KMT5B: variants seen among roughly 807,000 people sequenced by gnomAD.
KMT5B encodes the protein lysine methyltransferase 5B.
Under a neutral mutation model 83.2 loss-of-function variants are expected in KMT5B, and 10 were observed. That is an observed-to-expected ratio of 0.12 (90% CI 0.07 to 0.20). The LOEUF (loss-of-function observed/expected upper bound fraction) is 0.20. Among genes scored for constraint, KMT5B ranks in the 10% least tolerant of loss-of-function variants. The probability of loss-of-function intolerance (pLI) is 1.00; values close to 1 mark genes in which losing one functional copy is unlikely to be tolerated. For synonymous variants in KMT5B, 349 were observed against 388.8 expected (o/e 0.90, Z 1.20); for missense variants, 753 against 1,067.2 (o/e 0.71, Z 4.10).
chr11:68,166,294 C>T, intron 10 of KMT5B: 1 of 1,101,446 alleles, frequency 9.1e-7, no homozygotes, highest in Non-Finnish European at 1.1e-6. Context: ...TTTCCTTTCT[C>T]TTTGTTTAGT....
intron 1 of KMT5B, among the ~76,000 whole-genome samples, 166 bp downstream of exon 1, chr11:68,212,972 C>A (rs1861140981): frequency 7.0e-6 from 1 of 142,556 alleles, no homozygotes; most frequent in African/African-American, 2.5e-5. Context: ...CGGCCGCAGC[C>A]CCGCCCCCCG....
intron 9 of KMT5B, 147 bp downstream of exon 9, chr11:68,170,868 G>T: frequency 1.3e-6 from 1 of 774,582 alleles, no homozygotes. Context: ...ATTTGACTTT[G>T]TTCATACACA....
At chr11:68,194,481 T>C (rs1220309003) in intron 1 of KMT5B, among the ~76,000 whole-genome samples, 1 of 152,074 alleles carries the variant, frequency 6.6e-6, no homozygotes, top group Non-Finnish European at 1.5e-5. Flanking sequence ...GCATGAGCCA[T>C]TGTGCCCGGC....
intron 1 of KMT5B, among the ~76,000 whole-genome samples, chr11:68,190,417 T>C (rs1408662555): frequency 6.6e-6 from 1 of 152,222 alleles, no homozygotes; most frequent in Non-Finnish European, 1.5e-5. Flanking sequence ...ATATTCCTTC[T>C]ACTTTTTTTT....
intron 5 of KMT5B, among the ~76,000 whole-genome samples, 190 bp downstream of exon 5, chr11:68,174,828 G>A (rs1856201800): frequency 6.6e-6 from 1 of 152,144 alleles, no homozygotes; most frequent in Non-Finnish European, 1.5e-5. Flanking sequence ...ACAAGCATGA[G>A]CCACTGAGCC....
chr11:68,163,208 C>T (rs1269329534), intron 10 of KMT5B, among the ~76,000 whole-genome samples: 1 of 152,198 alleles, frequency 6.6e-6, no homozygotes, highest in African/African-American at 2.4e-5. Flanking sequence ...GGTACACATT[C>T]TTCTCAGCAA....
Position 68,157,724 on chromosome 11 carries a change from C to T in KMT5B, c.2622G>A (p.Arg874=). The T allele has an allele frequency of 6.2e-7, 1 of 1,602,102 alleles. No homozygotes were observed. The highest frequency in any genetic ancestry group is 8.5e-7 in the Non-Finnish European group (1 of 1,173,992). ...KDSIDIDISS[R]RREDQSLRLN... Reference sequence around the variant, plus strand: ...GCCTTAAAGACTGATCTTCTCTTCTCCTTGAAGAAATGTCAATATCTATAG... The same window carrying T: ...GCCTTAAAGACTGATCTTCTCTTCTTCTTGAAGAAATGTCAATATCTATAG... Residue 874 remains arginine, a synonymous_variant, in exon 11 of 11, where the codon AGG becomes AGA. Coordinates refer to ENST00000304363, the MANE Select transcript of KMT5B (RefSeq NM_017635.5).
chr11:68,183,195 C>T (rs1436998552), intron 3 of KMT5B, among the ~76,000 whole-genome samples: 2 of 148,720 alleles, frequency 1.3e-5, no homozygotes, highest in African/African-American at 5.0e-5. Flanking sequence ...GATTCATTCA[C>T]ACATTCACAT....
At position 68,163,926 on chromosome 11, in the gene KMT5B, C is replaced by T. The variant is rs538674526; in HGVS notation, c.1174+3056G>A. On this transcript the variant is annotated intron_variant, in intron 10 of 10. Coordinates refer to ENST00000304363, the MANE Select transcript of KMT5B (RefSeq NM_017635.5). Reference sequence around the variant, plus strand: ...GTTAAGATCAACTTCTCCCTCTGGCCGATTCTTCTGGGGCTTGTCCTGACT... The same window carrying T: ...GTTAAGATCAACTTCTCCCTCTGGCTGATTCTTCTGGGGCTTGTCCTGACT... Among the ~76,000 whole-genome samples the T allele has an allele frequency of 5.3e-5, 8 of 152,246 alleles. No homozygotes were observed. In the South Asian group the frequency reaches 1.2e-3, roughly 24 times the overall value.
Position 68,170,689 on chromosome 11 carries a change from C to A in KMT5B, c.977+326G>T, listed in dbSNP as rs1208155895. On this transcript the variant is annotated intron_variant, in intron 9 of 10. Coordinates refer to ENST00000304363, the MANE Select transcript of KMT5B (RefSeq NM_017635.5). Reference sequence around the variant, plus strand: ...GAACTCCACTTGACATTTTGAGTAGCGGCAACCCCATTCTGGCATTGCGTG... The same window carrying A: ...GAACTCCACTTGACATTTTGAGTAGAGGCAACCCCATTCTGGCATTGCGTG... Among the ~76,000 whole-genome samples the A allele has an allele frequency of 2.0e-5, 3 of 152,130 alleles. No homozygotes were observed. In the East Asian group the frequency reaches 5.8e-4, roughly 29 times the overall value.
Position 68,209,430 on chromosome 11 carries a change from G to A in KMT5B, c.-77+3708C>T, listed in dbSNP as rs531449219. 6.6e-5 allele frequency among the ~76,000 whole-genome samples: 10 copies of A among 152,298 alleles called. No homozygotes were observed. In the South Asian group the frequency reaches 1.9e-3, roughly 28 times the overall value. ...TGCATAAGGGGAAAAAAAGTTAACA[G>A]GGTAGAAAAGTACAGACTAGGAAGC... On this transcript the variant is annotated intron_variant, in intron 1 of 10. Transcript: ENST00000304363.
chr11:68,161,055 A>G (rs1400853864), intron 10 of KMT5B, among the ~76,000 whole-genome samples: 1 of 152,186 alleles, frequency 6.6e-6, no homozygotes, highest in African/African-American at 2.4e-5. Context: ...AGTTTGAAAC[A>G]AGAACATACT....
chr11:68,209,268 T>G (rs149655754), intron 1 of KMT5B, among the ~76,000 whole-genome samples: 1 of 152,348 alleles, frequency 6.6e-6, no homozygotes, highest in Non-Finnish European at 1.5e-5. Flanking sequence ...AACAAACTTA[T>G]GAAGAACCTC....
At chr11:68,178,504 A>G (rs370307433) in intron 4 of KMT5B, among the ~76,000 whole-genome samples, 5 of 152,306 alleles carry the variant, frequency 3.3e-5, no homozygotes, top group African/African-American at 1.2e-4. Flanking sequence ...CCTTGCTACC[A>G]ATAGCAAGAA....
chr11:68,173,996 C>T (rs572395742), intron 5 of KMT5B, 83 bp from the exon 6 acceptor site: 9 of 916,120 alleles, frequency 9.8e-6, no homozygotes, highest in East Asian at 5.0e-5. Context: ...GCAAACCACC[C>T]GCAATGATGA....
chr11:68,159,240 C>T, intron 10 of KMT5B, 69 bp from the exon 11 acceptor site: 1 of 1,496,858 alleles, frequency 6.7e-7, no homozygotes, highest in Middle Eastern at 2.0e-4. Context: ...AATGCCCAAA[C>T]CCAGGCTATT....
chr11:68,206,999 T>C (rs1038592376), intron 1 of KMT5B, among the ~76,000 whole-genome samples: 4 of 151,962 alleles, frequency 2.6e-5, no homozygotes, highest in Admixed American at 6.6e-5. Context: ...TCCCAGCACT[T>C]TGGGAGGCTG....
intron 2 of KMT5B, among the ~76,000 whole-genome samples, chr11:68,188,433 C>T (rs1391851768): frequency 6.7e-6 from 1 of 149,506 alleles, no homozygotes; most frequent in Non-Finnish European, 1.5e-5. Context: ...CAACCTCTAA[C>T]TCCTGGGCTC....
At chr11:68,168,976 C>T (rs1485215206) in intron 9 of KMT5B, among the ~76,000 whole-genome samples, 2 of 152,348 alleles carry the variant, frequency 1.3e-5, no homozygotes, top group East Asian at 3.9e-4. Context: ...CTAGATGCAT[C>T]TTCCCAGCTA....
Sources: allele counts gnomAD v4.1 joint callset (sites outside exome capture counted in the v4.1 genomes callset), GRCh38; gene constraint gnomAD v4.1.1; transcripts MANE v1.5; gene names NCBI Gene and HGNC (gene_info 2026-07-23, HGNC 2026-07-21).